FHIP1A: variants seen among roughly 807,000 people sequenced by gnomAD.
The protein encoded by FHIP1A is FHF complex subunit HOOK-interacting protein 1A.
Under a neutral mutation model 88.6 loss-of-function variants are expected in FHIP1A, and 61 were observed. The ratio of observed to expected loss-of-function variants is 0.69; its 90% CI spans 0.56 to 0.85. The LOEUF is 0.85. Ranked by LOEUF, FHIP1A falls within the 40% of genes least tolerant of loss-of-function variation. The pLI is 0.00. For synonymous variants in FHIP1A, 478 were observed against 496.0 expected, an observed-to-expected ratio of 0.96 and a Z score of 0.48; for missense variants, 1,154 against 1,273.5, an observed-to-expected ratio of 0.91 and a Z score of 1.43.
At chr4:151,596,656 C>T (rs1376005124) in intron 7 of FHIP1A, among the ~76,000 whole-genome samples, 1 of 152,230 alleles carries the variant, frequency 6.6e-6, no homozygotes. Flanking sequence ...CTTTCAGGTA[C>T]ACCAATTAAA....
intron 2 of FHIP1A, among the ~76,000 whole-genome samples, chr4:151,474,719 C>T (rs962354607): frequency 2.4e-4 from 36 of 152,304 alleles, no homozygotes; most frequent in African/African-American, 7.9e-4. Context: ...GTTTATTGGC[C>T]ATTCGGCCCT....
intron 7 of FHIP1A, among the ~76,000 whole-genome samples, chr4:151,624,684 A>G (rs969010400): frequency 2.6e-5 from 4 of 152,100 alleles, no homozygotes; most frequent in Non-Finnish European, 5.9e-5. Context: ...TCCTTCCTCA[A>G]ATATTTTAGG....
At chr4:151,410,211 C>A (rs1003339783) in intron 1 of FHIP1A, among the ~76,000 whole-genome samples, 3 of 152,212 alleles carry the variant, frequency 2.0e-5, no homozygotes, top group Non-Finnish European at 2.9e-5. Flanking sequence ...AGTGTCCCAG[C>A]CTCCTGGACC....
intron 8 of FHIP1A, 134 bp from the exon 9 acceptor site, chr4:151,638,543 G>T (rs1736450154): frequency 1.9e-6 from 1 of 531,738 alleles, no homozygotes; most frequent in Non-Finnish European, 3.3e-6. Context: ...CCTGGCAGCA[G>T]CATGCTTTTT....
At chr4:151,499,549 A>G (rs942667430) in intron 3 of FHIP1A, among the ~76,000 whole-genome samples, 1 of 152,240 alleles carries the variant, frequency 6.6e-6, no homozygotes, top group African/African-American at 2.4e-5. Flanking sequence ...CACACTGGCT[A>G]CAAAGTCCTT....
At chr4:151,553,573 T>G (rs1250610099) in intron 3 of FHIP1A, among the ~76,000 whole-genome samples, 1 of 152,206 alleles carries the variant, frequency 6.6e-6, no homozygotes, top group South Asian at 2.1e-4. Context: ...TTAGAATTAC[T>G]AACCAGTTGG....
intron 13 of FHIP1A, 137 bp downstream of exon 13, chr4:151,657,035 G>A: frequency 2.2e-6 from 2 of 896,954 alleles, no homozygotes; most frequent in Admixed American, 2.9e-5. Context: ...TTATGCAACA[G>A]GGAGGAACCA....
chr4:151,539,581 A>AG (rs1366325027), intron 3 of FHIP1A, among the ~76,000 whole-genome samples: 3 of 151,566 alleles, frequency 2.0e-5, no homozygotes, highest in African/African-American at 4.9e-5. Context: ...AAAAAAAAAA[A>AG]AAAAATACAG....
chr4:151,480,394 C>G (rs925466884), intron 2 of FHIP1A, among the ~76,000 whole-genome samples: 5 of 151,984 alleles, frequency 3.3e-5, no homozygotes, highest in Non-Finnish European at 7.4e-5. Flanking sequence ...AAGTATTTCT[C>G]ATGAATTAGG....
chr4:151,482,072 G>GAATT (rs1729915719), intron 2 of FHIP1A, among the ~76,000 whole-genome samples: 2 of 152,096 alleles, frequency 1.3e-5, no homozygotes, highest in Non-Finnish European at 2.9e-5. Flanking sequence ...TATCTAGAGA[G>GAATT]GTCAAAGTTA....
At chr4:151,587,533 A>G (rs966907898) in intron 6 of FHIP1A, among the ~76,000 whole-genome samples, 1 of 133,752 alleles carries the variant, frequency 7.5e-6, no homozygotes, top group African/African-American at 2.6e-5. Flanking sequence ...TTTTATTATT[A>G]TACTTTAAGT....
chr4:151,603,312 G>GAA (rs112779877), intron 7 of FHIP1A, among the ~76,000 whole-genome samples: 1 of 132,686 alleles, frequency 7.5e-6, no homozygotes, highest in Non-Finnish European at 1.6e-5. Flanking sequence ...GACTCCGTCT[G>GAA]AAAAAAAAAA....
intron 1 of FHIP1A, among the ~76,000 whole-genome samples, chr4:151,444,276 G>A (rs1264049214): frequency 6.6e-6 from 1 of 152,100 alleles, no homozygotes; most frequent in African/African-American, 2.4e-5. Context: ...AGGCGGTCAG[G>A]CATCTTGAAA....
chr4:151,467,517 A>G (rs1363510359), intron 2 of FHIP1A, among the ~76,000 whole-genome samples: 1 of 152,236 alleles, frequency 6.6e-6, no homozygotes, highest in African/African-American at 2.4e-5. Flanking sequence ...GTAAAGATAC[A>G]TGCACACATA....
chr4:151,575,909 A>C lies in FHIP1A; in HGVS notation c.106-1541A>C, dbSNP rs181310471. 2.0e-5 allele frequency among the ~76,000 whole-genome samples: 3 copies of C among 152,330 alleles called. No homozygotes were observed. In the East Asian group the frequency reaches 5.8e-4, roughly 29 times the overall value. ...ACTTGCACAGAACATGTAACAGCAC[A>C]TCATAGGACTGGACCTGGAGGGTAC... On this transcript the variant is annotated intron_variant, in intron 4 of 13. Transcript: ENST00000435205.
intron 3 of FHIP1A, among the ~76,000 whole-genome samples, chr4:151,512,917 G>A (rs1259356436): frequency 5.9e-5 from 9 of 152,170 alleles, no homozygotes; most frequent in Non-Finnish European, 1.5e-5. Context: ...ATCTAGCAAG[G>A]CAGGCCAACA....
chr4:151,427,094 G>A (rs933513432), intron 1 of FHIP1A, among the ~76,000 whole-genome samples: 2 of 151,966 alleles, frequency 1.3e-5, no homozygotes, highest in Non-Finnish European at 2.9e-5. Context: ...GGCTATTCAA[G>A]TTACTTCACC....
At chr4:151,423,311 TTAA>T (rs1463458140) in intron 1 of FHIP1A, among the ~76,000 whole-genome samples, 1 of 151,790 alleles carries the variant, frequency 6.6e-6, no homozygotes, top group East Asian at 1.9e-4. Context: ...TATTTATATA[TTAA>T]TATATTAATT....
intron 3 of FHIP1A, among the ~76,000 whole-genome samples, chr4:151,538,058 T>C (rs1363156830): frequency 6.6e-6 from 1 of 152,204 alleles, no homozygotes; most frequent in Non-Finnish European, 1.5e-5. Context: ...TAAATGACTT[T>C]AACTGAGTCA....
Sources: gnomAD v4.1 joint callset for allele counts (sites outside exome capture counted in the v4.1 genomes callset) on GRCh38, gnomAD v4.1.1 for gene constraint, MANE v1.5 for transcripts, NCBI Gene and HGNC (gene_info 2026-07-23, HGNC 2026-07-21) for gene names.